Variants in FLT1 observed in about 807,000 individuals in gnomAD.
FLT1 encodes fms related receptor tyrosine kinase 1.
FLT1 carries 49 observed loss-of-function variants against 156.3 expected under a neutral mutation model. That is an observed-to-expected ratio of 0.31 (90% confidence interval 0.25 to 0.40). The LOEUF is 0.40. Ranked by LOEUF, FLT1 falls within the 10% of genes least tolerant of loss-of-function variation. The pLI is 1.00. For missense variants in FLT1, 1,322 were observed against 1,637.2 expected (o/e 0.81, Z 3.32); for synonymous variants, 594 against 583.8 (o/e 1.02, Z -0.25).
chr13:28,303,440 T>G, intron 29 of FLT1, 72 bp from the exon 30 acceptor site: 10 of 1,286,038 alleles, frequency 7.8e-6, no homozygotes, highest in Non-Finnish European at 1.1e-5. Context: ...TAAAATCTAC[T>G]CTTTCTGAGT....
At chr13:28,345,923 A>C in intron 15 of FLT1, 1 of 203,884 alleles carries the variant, frequency 4.9e-6, no homozygotes. Context: ...TAAATCTGGA[A>C]TATGTTAAAT....
chr13:28,475,881 C>G (rs1880514952), intron 1 of FLT1, among the ~76,000 whole-genome samples: 1 of 152,106 alleles, frequency 6.6e-6, no homozygotes, highest in South Asian at 2.1e-4. Context: ...ATTATAATGT[C>G]CCATCTCCTC....
intron 27 of FLT1, 147 bp from the exon 28 acceptor site, chr13:28,309,074 G>A (rs751128820): frequency 8.2e-5 from 53 of 648,094 alleles, no homozygotes; most frequent in Non-Finnish European, 1.3e-4. Context: ...TCTCCCCGCC[G>A]TGACCCCTGG....
At chr13:28,437,198 C>A (rs1330291307) in intron 4 of FLT1, among the ~76,000 whole-genome samples, 2 of 152,114 alleles carry the variant, frequency 1.3e-5, no homozygotes, top group Non-Finnish European at 2.9e-5. Flanking sequence ...TATTTCCTGG[C>A]GATGGCACAC....
chr13:28,466,879 G>T, intron 3 of FLT1, 24 bp downstream of exon 3: 1 of 1,509,106 alleles, frequency 6.6e-7, no homozygotes, highest in Non-Finnish European at 9.2e-7. Context: ...AAAGCAAACA[G>T]AATGTAGAAA....
chr13:28,461,167 T>C (rs1879556058), intron 3 of FLT1, among the ~76,000 whole-genome samples: 1 of 152,170 alleles, frequency 6.6e-6, no homozygotes, highest in East Asian at 1.9e-4. Flanking sequence ...TTGAAACCCA[T>C]TCATTTGATT....
At chr13:28,452,663 G>A (rs943676541) in intron 3 of FLT1, among the ~76,000 whole-genome samples, 6 of 152,074 alleles carry the variant, frequency 3.9e-5, no homozygotes, top group African/African-American at 4.8e-5. Flanking sequence ...TTATAAAGAC[G>A]AAGCTTAATC....
chr13:28,329,032 T>C (rs888401770), intron 19 of FLT1, among the ~76,000 whole-genome samples: 23 of 152,176 alleles, frequency 1.5e-4, no homozygotes, highest in Non-Finnish European at 2.6e-4. Flanking sequence ...GGGGAAAACA[T>C]TGGCTTGCAC....
chr13:28,327,975 T>C (rs1447375877), intron 19 of FLT1, among the ~76,000 whole-genome samples: 1 of 152,184 alleles, frequency 6.6e-6, no homozygotes, highest in Non-Finnish European at 1.5e-5. Context: ...CAGAGACGGC[T>C]ACCTGGCCGT....
At chr13:28,386,600 A>G (rs186944349) in intron 13 of FLT1, 57 of 1,055,966 alleles carry the variant, frequency 5.4e-5, no homozygotes, top group Non-Finnish European at 6.2e-5. Flanking sequence ...GCAGAACGTT[A>G]CGATATTTCT....
At chr13:28,351,468 T>G (rs1365979283) in intron 15 of FLT1, among the ~76,000 whole-genome samples, 1 of 152,210 alleles carries the variant, frequency 6.6e-6, no homozygotes, top group Non-Finnish European at 1.5e-5. Context: ...TCTCCTTCTA[T>G]GTAAAACCCA....
intron 16 of FLT1, among the ~76,000 whole-genome samples, chr13:28,342,759 C>T (rs546315230): frequency 1.3e-5 from 2 of 152,266 alleles, no homozygotes; most frequent in Non-Finnish European, 2.9e-5. Context: ...TTTACCTTTT[C>T]ATATTTTTGG....
At chr13:28,341,930 T>C (rs1872348430) in intron 16 of FLT1, among the ~76,000 whole-genome samples, 1 of 152,216 alleles carries the variant, frequency 6.6e-6, no homozygotes, top group African/African-American at 2.4e-5. Context: ...TCGCCTAGGC[T>C]GGAGTGCAGC....
intron 10 of FLT1, among the ~76,000 whole-genome samples, chr13:28,412,311 T>C (rs541931746): frequency 2.7e-5 from 1 of 36,568 alleles, no homozygotes; most frequent in African/African-American, 6.4e-5. Flanking sequence ...CTCTTTCTCT[T>C]TCTTTCTTTC....
At chr13:28,385,962 C>G in intron 13 of FLT1, 1 of 1,050,782 alleles carries the variant, frequency 9.5e-7, no homozygotes, top group African/African-American at 1.7e-5. Flanking sequence ...AAAATAAAAA[C>G]AACTCCTAAT....
chr13:28,337,993 G>T (rs1160584259), intron 17 of FLT1, among the ~76,000 whole-genome samples: 1 of 152,162 alleles, frequency 6.6e-6, no homozygotes, highest in East Asian at 1.9e-4. Context: ...TGTGCCACCT[G>T]CCCTTAACTA....
chr13:28,429,750 C>G (rs1402014181), intron 8 of FLT1, among the ~76,000 whole-genome samples: 1 of 152,074 alleles, frequency 6.6e-6, no homozygotes, highest in East Asian at 1.9e-4. Context: ...CAACACATCC[C>G]ATTCAAAGAA....
At chr13:28,456,255 T>C (rs1054680678) in intron 3 of FLT1, among the ~76,000 whole-genome samples, 3 of 151,772 alleles carry the variant, frequency 2.0e-5, no homozygotes, top group African/African-American at 7.3e-5. Flanking sequence ...AAATAAACTA[T>C]GAATATAATT....
At chr13:28,391,691 G>C (rs1378342080) in intron 12 of FLT1, among the ~76,000 whole-genome samples, 7 of 152,306 alleles carry the variant, frequency 4.6e-5, no homozygotes, top group Non-Finnish European at 1.0e-4. Context: ...AATTGACTGA[G>C]ACCTGTCTCA....
Sources: gnomAD v4.1 joint callset for allele counts (sites outside exome capture counted in the v4.1 genomes callset) on GRCh38, gnomAD v4.1.1 for gene constraint, MANE v1.5 for transcripts, NCBI Gene and HGNC (gene_info 2026-07-23, HGNC 2026-07-21) for gene names.